SYNPR: variants seen among roughly 807,000 people sequenced by gnomAD.
SYNPR encodes the protein synaptoporin.
A neutral mutation model predicts 32.9 loss-of-function variants in SYNPR; 23 were observed. The ratio of observed to expected loss-of-function variants is 0.70; its 90% CI spans 0.50 to 0.99. SYNPR has a LOEUF of 0.99. Among genes scored for constraint, SYNPR ranks in the 50% least tolerant of loss-of-function variants. The pLI is 0.00. For missense variants in SYNPR, 318 were observed against 349.3 expected, an observed-to-expected ratio of 0.91 and a Z score of 0.71; for synonymous variants, 146 against 135.9, an observed-to-expected ratio of 1.07 and a Z score of -0.52.
intron 2 of SYNPR, among the ~76,000 whole-genome samples, chr3:63,295,314 G>T (rs2086783584): frequency 6.6e-6 from 1 of 152,144 alleles, no homozygotes; most frequent in African/African-American, 2.4e-5. Context: ...CTATTAAAGT[G>T]TATGCATCAT....
intron 4 of SYNPR, among the ~76,000 whole-genome samples, chr3:63,572,868 A>C (rs1024776887): frequency 6.6e-6 from 1 of 152,116 alleles, no homozygotes; most frequent in African/African-American, 2.4e-5. Flanking sequence ...TCTCATTTTT[A>C]ATAAGTATTA....
At chr3:63,414,966 T>C (rs773441775) in intron 2 of SYNPR, among the ~76,000 whole-genome samples, 30 of 152,240 alleles carry the variant, frequency 2.0e-4, no homozygotes, top group Non-Finnish European at 4.3e-4. Flanking sequence ...TACTGCAGGC[T>C]TTTACTGGCT....
At chr3:63,511,954 C>G (rs62252778) in intron 3 of SYNPR, among the ~76,000 whole-genome samples, 2,597 of 152,186 alleles carry the variant, frequency 0.017, 30 homozygotes, top group Middle Eastern at 0.034. Context: ...AATGAAGTTA[C>G]CCCATACCAG....
At chr3:63,610,452 A>T (rs1700182927) in intron 5 of SYNPR, 2 of 693,134 alleles carry the variant, frequency 2.9e-6, no homozygotes, top group Non-Finnish European at 5.3e-6. Flanking sequence ...CTTTGCTTCA[A>T]GATTAACCTG....
Position 63,281,614 on chromosome 3 carries a change from C to T in SYNPR, c.84+2872C>T, listed in dbSNP as rs528032566. Among the ~76,000 whole-genome samples, 39 of 152,126 alleles carry T rather than the reference C, an allele frequency of 2.6e-4. No homozygotes were observed. In the South Asian group the frequency reaches 7.5e-3, roughly 29 times the overall value. ...GGGAAGAACTCTGATCTCGTCTGTC[C>T]CTTATAAGAACACTAATCCCATTCA... On this transcript the variant is annotated intron_variant, in intron 2 of 5. Coordinates refer to ENST00000478300, the MANE Select transcript of SYNPR (RefSeq NM_001130003.2).
At chr3:63,500,748 T>G (rs1483921062) in intron 3 of SYNPR, among the ~76,000 whole-genome samples, 3 of 152,192 alleles carry the variant, frequency 2.0e-5, no homozygotes, top group Non-Finnish European at 2.9e-5. Context: ...GCTCATTCAC[T>G]GCTTTTGTGG....
chr3:63,291,123 C>T (rs139085019), intron 2 of SYNPR, among the ~76,000 whole-genome samples: 66 of 152,202 alleles, frequency 4.3e-4, no homozygotes, highest in African/African-American at 1.5e-3. Flanking sequence ...GGATTTGAAG[C>T]CATGCAAGCT....
chr3:63,398,431 G>A (rs1211752856), intron 2 of SYNPR, among the ~76,000 whole-genome samples: 1 of 152,016 alleles, frequency 6.6e-6, no homozygotes, highest in Non-Finnish European at 1.5e-5. Context: ...ACTTAACAGT[G>A]TACTTTTGGC....
chr3:63,434,873 T>C (rs1314290413), intron 2 of SYNPR, among the ~76,000 whole-genome samples: 1 of 152,230 alleles, frequency 6.6e-6, no homozygotes, highest in East Asian at 1.9e-4. Flanking sequence ...TTTTCTCTTC[T>C]TTAATAATAA....
In SYNPR at chr3:63,262,643, T is replaced by C. The variant is rs145147844; in HGVS notation, n.155-4674T>C. 2.8e-3 allele frequency among the ~76,000 whole-genome samples: 429 copies of C among 151,816 alleles called. 3 individuals carry two copies. Among genetic ancestry groups the C allele is most frequent in the Middle Eastern group, 6.8e-3 (2 of 294 alleles). On this transcript the variant is annotated intron_variant and non_coding_transcript_variant, in intron 2 of 4. Transcript: ENST00000478456. ...GCTGTGGTCCTCCCTGTGGCAAGAG[T>C]GATGGGGACCGTGCCAAAGCCCAGC...
rs10597535 is a variant in SYNPR at position 63,347,875 on chromosome 3, T to TTG, written c.84+69175_84+69176dup. Among the ~76,000 whole-genome samples, 1,098 of 144,440 alleles carry TTG rather than the reference T, an allele frequency of 7.6e-3. 8 individuals are homozygous for TTG. Among genetic ancestry groups the TTG allele is most frequent in the East Asian group, 0.03 (145 of 4,758 alleles). 94.8% of individuals were successfully genotyped at this position (144,440 alleles called of 152,430 possible). Reference sequence around the variant, plus strand: ...GTGTGTATGGCTGAATAGTATTCCATTGTGTGTGTGTGTGTGTGTGTGTGT... The same window carrying TTG: ...GTGTGTATGGCTGAATAGTATTCCATTGTGTGTGTGTGTGTGTGTGTGTGTGT... On this transcript the variant is annotated intron_variant, in intron 2 of 5. Transcript: ENST00000478300.
intron 3 of SYNPR, among the ~76,000 whole-genome samples, chr3:63,495,155 A>G (rs1701348470): frequency 6.6e-6 from 1 of 152,192 alleles, no homozygotes; most frequent in Non-Finnish European, 1.5e-5. Context: ...CAGTTTGTAG[A>G]ATTTCTCATT....
At chr3:63,609,688 C>A (rs898893948) in intron 5 of SYNPR, among the ~76,000 whole-genome samples, 1 of 152,142 alleles carries the variant, frequency 6.6e-6, no homozygotes, top group African/African-American at 2.4e-5. Context: ...GGGAGGATCA[C>A]CTGAGATCAG....
intron 2 of SYNPR, among the ~76,000 whole-genome samples, chr3:63,292,901 G>A (rs2086754429): frequency 6.6e-6 from 1 of 152,180 alleles, no homozygotes; most frequent in Admixed American, 6.6e-5. Flanking sequence ...GGTGTGGTTG[G>A]CAAGGAAAGA....
chr3:63,234,637 A>G (rs2086188601), intron 1 of SYNPR, among the ~76,000 whole-genome samples: 1 of 152,210 alleles, frequency 6.6e-6, no homozygotes, highest in African/African-American at 2.4e-5. Context: ...CTGTGTGGAA[A>G]TGAAAAATGA....
chr3:63,252,617 T>TA (rs1202737871), intron 2 of SYNPR: 1 of 152,194 alleles, frequency 6.6e-6, no homozygotes, highest in Non-Finnish European at 1.5e-5. Context: ...AATGTGCTGA[T>TA]AACAGAACAA....
intron 3 of SYNPR, among the ~76,000 whole-genome samples, chr3:63,481,451 A>AGTGTGTG (rs1467460241): frequency 6.8e-6 from 1 of 147,118 alleles, no homozygotes; most frequent in African/African-American, 2.5e-5. Context: ...ATATATATAT[A>AGTGTGTG]TGTGTGTGTG....
intron 4 of SYNPR, among the ~76,000 whole-genome samples, chr3:63,605,917 A>G (rs1035634796): frequency 1.3e-5 from 2 of 152,352 alleles, no homozygotes; most frequent in South Asian, 2.1e-4. Context: ...TTCCCGCTCC[A>G]TAGCCTTATA....
intron 1 of SYNPR, among the ~76,000 whole-genome samples, chr3:63,251,340 G>C (rs2086329545): frequency 6.6e-6 from 1 of 152,032 alleles, no homozygotes; most frequent in Non-Finnish European, 1.5e-5. Context: ...AAAAATCCCT[G>C]GGTTGGGAGA....
Sources: allele counts gnomAD v4.1 joint callset (sites outside exome capture counted in the v4.1 genomes callset), GRCh38; gene constraint gnomAD v4.1.1; transcripts MANE v1.5; gene names NCBI Gene and HGNC (gene_info 2026-07-23, HGNC 2026-07-21).